Variants in NALF1 observed in about 807,000 individuals in gnomAD.
NALF1 encodes NALCN channel auxiliary factor 1.
NALF1 carries 3 observed loss-of-function variants against 48.4 expected under a neutral mutation model. The ratio of observed to expected loss-of-function variants is 0.06; its 90% CI spans 0.03 to 0.16. The LOEUF is 0.16. Among genes scored for constraint, NALF1 ranks in the 10% least tolerant of loss-of-function variants. The pLI, the probability that NALF1 is intolerant of heterozygous loss-of-function variation, is 1.00. For synonymous variants in NALF1, 262 were observed against 245.7 expected (o/e 1.07, Z -0.62); for missense variants, 526 against 571.5 (o/e 0.92, Z 0.81).
At chr13:107,381,390 G>A (rs146033916) in intron 1 of NALF1, among the ~76,000 whole-genome samples, 297 of 151,740 alleles carry the variant, frequency 2.0e-3, no homozygotes, top group African/African-American at 6.7e-3. Context: ...TAGAGATGGG[G>A]TCTCACTGTG....
chr13:107,706,641 T>C (rs1447415036), intron 1 of NALF1, among the ~76,000 whole-genome samples: 1 of 152,124 alleles, frequency 6.6e-6, no homozygotes, highest in Non-Finnish European at 1.5e-5. Flanking sequence ...CTCAGAGAAA[T>C]AAAAGATTGG....
intron 2 of NALF1, among the ~76,000 whole-genome samples, chr13:107,184,441 T>TCTTAGTCTCTGCCTTGGA (rs1444413459): frequency 6.6e-6 from 1 of 152,006 alleles, no homozygotes; most frequent in African/African-American, 2.4e-5. Context: ...ATTTTTATAT[T>TCTTAGTCTCTGCCTTGGA]CTTAGTCTCT....
intron 1 of NALF1, among the ~76,000 whole-genome samples, chr13:107,606,117 C>T (rs1879059602): frequency 1.3e-5 from 2 of 151,992 alleles, no homozygotes; most frequent in Admixed American, 6.6e-5. Context: ...ATTCAAAAGC[C>T]CCAAAATGAG....
intron 1 of NALF1, among the ~76,000 whole-genome samples, chr13:107,322,307 T>C (rs2138914943): frequency 6.6e-6 from 1 of 152,264 alleles, no homozygotes; most frequent in South Asian, 2.1e-4. Context: ...AAAAGACTGG[T>C]TAATATACCT....
intron 1 of NALF1, among the ~76,000 whole-genome samples, chr13:107,247,841 T>C (rs937819731): frequency 1.3e-5 from 2 of 152,202 alleles, no homozygotes; most frequent in Admixed American, 1.3e-4. Context: ...ATTGGCTCAA[T>C]CTGTCTGACT....
intron 1 of NALF1, among the ~76,000 whole-genome samples, chr13:107,834,885 C>T (rs1289548994): frequency 6.6e-6 from 1 of 152,088 alleles, no homozygotes; most frequent in East Asian, 1.9e-4. Context: ...GGCAAGAACA[C>T]CAAACTAATT....
chr13:107,755,654 ACAGT>A (rs1361796110), intron 1 of NALF1, among the ~76,000 whole-genome samples: 1 of 151,804 alleles, frequency 6.6e-6, no homozygotes, highest in Non-Finnish European at 1.5e-5. Context: ...GATAGACAAA[ACAGT>A]CAGAGCTGTC....
chr13:107,443,169 AATCTATCTATCTATCTATCTATCT>A (rs10564280), intron 1 of NALF1, among the ~76,000 whole-genome samples: 2 of 128,428 alleles, frequency 1.6e-5, no homozygotes, highest in African/African-American at 5.2e-5. Flanking sequence ...TTTATCTAAC[AATCTATCTATCTATCTATCTATCT>A]ATCTATCTAT....
chr13:107,792,788 G>A (rs1346523371), intron 1 of NALF1, among the ~76,000 whole-genome samples: 1 of 151,404 alleles, frequency 6.6e-6, no homozygotes, highest in Non-Finnish European at 1.5e-5. Context: ...CACTTTTTAA[G>A]CTTAATTCTT....
intron 1 of NALF1, among the ~76,000 whole-genome samples, chr13:107,416,161 C>T (rs1182960887): frequency 6.9e-6 from 1 of 145,838 alleles, no homozygotes; most frequent in Non-Finnish European, 1.5e-5. Context: ...CACCCACCAC[C>T]ATGCCCGGCT....
At chr13:107,271,329 G>A (rs1429511295) in intron 1 of NALF1, among the ~76,000 whole-genome samples, 1 of 152,152 alleles carries the variant, frequency 6.6e-6, no homozygotes, top group Non-Finnish European at 1.5e-5. Flanking sequence ...AACCCTGCAG[G>A]GGTGGTATTT....
chr13:107,644,421 T>TAA (rs796795415), intron 1 of NALF1, among the ~76,000 whole-genome samples: 3 of 139,798 alleles, frequency 2.1e-5, no homozygotes, highest in East Asian at 2.1e-4. Flanking sequence ...AAACTCAGGT[T>TAA]AAAAAAAAAA....
At chr13:107,352,585 C>T (rs981142886) in intron 1 of NALF1, among the ~76,000 whole-genome samples, 1 of 152,124 alleles carries the variant, frequency 6.6e-6, no homozygotes, top group Non-Finnish European at 1.5e-5. Flanking sequence ...GGAAAGATGG[C>T]AAGAGAGCTC....
rs1477426935 is a variant in NALF1 at position 107,643,585 on chromosome 13, G to A, written c.915+222097C>T. On this transcript the variant is annotated intron_variant, in intron 1 of 2. Coordinates refer to ENST00000375915, the MANE Select transcript of NALF1 (RefSeq NM_001080396.3). ...AAATGACAATTTAAAATATGAAATC[G>A]TTTTATTTGGATCAAAGGGAACAAA... Among the ~76,000 whole-genome samples the A allele has an allele frequency of 5.3e-5, 8 of 150,948 alleles. No individual in the cohort carries two copies. The South Asian group carries it at 1.3e-3, about 24-fold the overall frequency.
intron 1 of NALF1, among the ~76,000 whole-genome samples, chr13:107,716,125 C>T (rs1236835779): frequency 1.3e-5 from 2 of 152,094 alleles, no homozygotes; most frequent in Admixed American, 6.5e-5. Flanking sequence ...TACCTTAGAT[C>T]CCCCATCAAT....
intron 1 of NALF1, among the ~76,000 whole-genome samples, chr13:107,834,027 AAAT>A (rs1312061282): frequency 6.6e-6 from 1 of 152,176 alleles, no homozygotes; most frequent in African/African-American, 2.4e-5. Context: ...GAAAATATAA[AAAT>A]AATAATGATA....
chr13:107,318,906 T>C (rs763483763), intron 1 of NALF1, among the ~76,000 whole-genome samples: 15 of 152,136 alleles, frequency 9.9e-5, no homozygotes, highest in Non-Finnish European at 2.1e-4. Context: ...GCATACAGTA[T>C]AATTGCTGCC....
intron 1 of NALF1, among the ~76,000 whole-genome samples, chr13:107,483,543 C>T (rs1328822253): frequency 6.6e-6 from 1 of 151,976 alleles, no homozygotes; most frequent in Non-Finnish European, 1.5e-5. Flanking sequence ...AACCTGCATA[C>T]AAAACTGTAG....
At chr13:107,325,851 C>CATATATATATATAT (rs1409352115) in intron 1 of NALF1, among the ~76,000 whole-genome samples, 1 of 51,986 alleles carries the variant, frequency 1.9e-5, no homozygotes, top group Non-Finnish European at 3.5e-5. Flanking sequence ...AACACACACA[C>CATATATATATATAT]ACACATATAT....
Sources: allele counts gnomAD v4.1 joint callset (sites outside exome capture counted in the v4.1 genomes callset), GRCh38; gene constraint gnomAD v4.1.1; transcripts MANE v1.5; gene names NCBI Gene and HGNC (gene_info 2026-07-23, HGNC 2026-07-21).